Variants in GLB1 observed in about 807,000 individuals in gnomAD.
The protein encoded by GLB1 is beta-galactosidase.
GLB1 carries 56 observed loss-of-function variants against 74.0 expected under a neutral mutation model. The observed-to-expected ratio is 0.76, with a 90% confidence interval of 0.61 to 0.94. GLB1 has a LOEUF of 0.94. Ranked by LOEUF, GLB1 falls within the 40% of genes least tolerant of loss-of-function variation. The probability of loss-of-function intolerance (pLI) is 0.00; values close to 1 mark genes in which losing one functional copy is unlikely to be tolerated. For missense variants in GLB1, 787 were observed against 845.5 expected (o/e 0.93, Z 0.86); for synonymous variants, 323 against 323.6 (o/e 1.00, Z 0.02).
At chr3:32,988,113 G>C in the GLB1 span, among the ~76,000 whole-genome samples, 17 of 148,288 alleles carry the variant, frequency 1.1e-4, no homozygotes, top group South Asian at 6.4e-4. Context: ...TTGAACCCAG[G>C]AGGCAGAGGT....
intron 1 of GLB1, among the ~76,000 whole-genome samples, chr3:33,084,150 C>T (rs984590901): frequency 1.8e-4 from 28 of 152,276 alleles, no homozygotes; most frequent in South Asian, 6.2e-4. Context: ...ATTCCTGACA[C>T]GAGCTGTTCA....
intron 10 of GLB1, among the ~76,000 whole-genome samples, chr3:33,041,556 G>A (rs1185767690): frequency 1.3e-5 from 2 of 151,842 alleles, no homozygotes; most frequent in Non-Finnish European, 2.9e-5. Context: ...CAGCTGCTTG[G>A]GAGGCTGAGG....
chr3:33,063,116 G>A lies in GLB1; in HGVS notation c.552+2347C>T, dbSNP rs114599044. Reference sequence around the variant, plus strand: ...CACGTATAGGAACTGTGCGTCAGAAGGTAAGTAGGACAACCATGAAAGATG... The same window carrying A: ...CACGTATAGGAACTGTGCGTCAGAAAGTAAGTAGGACAACCATGAAAGATG... On this transcript the variant is annotated intron_variant, in intron 5 of 15. Coordinates refer to ENST00000307363, the MANE Select transcript of GLB1 (RefSeq NM_000404.4). Among the ~76,000 whole-genome samples the A allele has an allele frequency of 2.3e-3, 355 of 152,186 alleles. 4 individuals are homozygous for A. The highest frequency in any genetic ancestry group is 8.4e-3 in the African/African-American group (350 of 41,530).
intron 5 of GLB1, among the ~76,000 whole-genome samples, chr3:33,061,364 A>T (rs1699435430): frequency 6.6e-6 from 1 of 152,190 alleles, no homozygotes; most frequent in Non-Finnish European, 1.5e-5. Flanking sequence ...CCATGAGCAG[A>T]GATTGCGCCA....
chr3:33,092,647 A>G (rs1485206910), intron 1 of GLB1: 1 of 1,375,842 alleles, frequency 7.3e-7, no homozygotes, highest in Non-Finnish European at 9.4e-7. Context: ...CCAAGGAAAT[A>G]GTTAAACCAG....
In GLB1 at chr3:33,017,658, C is replaced by T. The variant is rs542464633; in HGVS notation, c.1347+790G>A. Among the ~76,000 whole-genome samples the T allele has an allele frequency of 5.3e-5, 8 of 152,302 alleles. No homozygotes were observed. In the South Asian group the frequency reaches 1.4e-3, roughly 28 times the overall value. ...ATGCATCTGCTTTTGTTATGAAACA[C>T]GGTTCTTTGTGCATTTCAGTAATAG... On this transcript the variant is annotated intron_variant, in intron 13 of 15. Transcript: ENST00000307363.
chr3:32,962,148 C>T, the GLB1 span, among the ~76,000 whole-genome samples: 5 of 151,262 alleles, frequency 3.3e-5, no homozygotes, highest in African/African-American at 1.2e-4. Flanking sequence ...GAGCTGAGGT[C>T]ACGTCATTGC....
rs147540534 is a variant in GLB1 at position 33,052,569 on chromosome 3, T to C, written c.793-565A>G. 889 of 163,302 alleles carry C rather than the reference T, an allele frequency of 5.4e-3. 7 individuals are homozygous for C. The highest frequency in any genetic ancestry group is 0.02 in the African/African-American group (847 of 41,680). The allele number at this position is 163,302 out of a possible 1,614,324, so 10.1% of individuals were successfully genotyped here. ...TCGCTTGAACCCGGGAGGTGGAGAA[T>C]GCAGTGAGCTGAGATCGCGCCACTG... is the stretch of plus-strand genomic sequence containing the variant. On this transcript the variant is annotated intron_variant, in intron 7 of 15. Coordinates refer to ENST00000307363, the MANE Select transcript of GLB1 (RefSeq NM_000404.4).
chr3:33,010,369 T>C (rs914902618), intron 15 of GLB1, among the ~76,000 whole-genome samples: 7 of 152,236 alleles, frequency 4.6e-5, no homozygotes, highest in Non-Finnish European at 8.8e-5. Flanking sequence ...CCACTAATTT[T>C]AGTTTATAAT....
Position 33,068,921 on chromosome 3 carries a change from A to T in GLB1, c.295T>A (p.Ser99Thr), listed in dbSNP as rs968429427. 9.3e-6 allele frequency: 15 copies of T among 1,614,178 alleles called. 1 individual carries two copies. In the Admixed American group the frequency reaches 1.5e-4, roughly 16 times the overall value. The change falls in exon 3 of 16, where the codon TCT becomes ACT. Residue 99 changes from serine to threonine, a missense_variant. By Grantham distance (58) the Ser-to-Thr change is moderately conservative. Coordinates refer to ENST00000307363, the MANE Select transcript of GLB1 (RefSeq NM_000404.4). ...AAATATTCCACATCATGGTCCTCAGAAAACTGGTACTGTCCTGGCCAGGGC... is the reference window on the plus strand; with the variant it reads ...AAATATTCCACATCATGGTCCTCAGTAAACTGGTACTGTCCTGGCCAGGGC... The part of the protein sequence containing the change: ...HEPWPGQYQF[S>T]EDHDVEYFLR...
rs149006565 is a variant in GLB1 at position 33,064,592 on chromosome 3, C to G, written c.552+871G>C. ...AGGAGTTTGAGACCAGCCTGGCCAA[C>G]ATGGCGAAACCCCGTCTCTACTAAA... is the stretch of plus-strand genomic sequence containing the variant. On this transcript the variant is annotated intron_variant, in intron 5 of 15. Transcript: ENST00000307363. 8.4e-3 allele frequency among the ~76,000 whole-genome samples: 1,278 copies of G among 151,730 alleles called. 24 individuals are homozygous for G. The highest frequency in any genetic ancestry group is 0.028 in the African/African-American group (1,178 of 41,364).
intron 10 of GLB1, among the ~76,000 whole-genome samples, chr3:33,033,003 A>G (rs1698115820): frequency 6.6e-6 from 1 of 152,188 alleles, no homozygotes; most frequent in South Asian, 2.1e-4. Flanking sequence ...TGGGGACCCA[A>G]GTAAAAATCA....
intron 1 of GLB1, among the ~76,000 whole-genome samples, chr3:33,080,282 G>T (rs970778703): frequency 6.6e-5 from 10 of 152,090 alleles, no homozygotes; most frequent in African/African-American, 1.9e-4. Context: ...GTTTCACCAC[G>T]TTGGCCAGGC....
chr3:32,989,196 G>A, the GLB1 span, among the ~76,000 whole-genome samples: 1 of 152,120 alleles, frequency 6.6e-6, no homozygotes, highest in Non-Finnish European at 1.5e-5. Context: ...GCATCAGAAG[G>A]CCTCAGGTTG....
At chr3:33,059,753 T>A (rs755974378) in intron 5 of GLB1, among the ~76,000 whole-genome samples, 1 of 152,236 alleles carries the variant, frequency 6.6e-6, no homozygotes, top group Non-Finnish European at 1.5e-5. Flanking sequence ...GTTCACACCA[T>A]AGTGATTCAT....
In GLB1 at chr3:33,058,233, A is replaced by G; in HGVS notation, c.589T>C (p.Phe197Leu). 6.2e-7 allele frequency: 1 copy of G among 1,614,172 alleles called. No homozygotes were observed. The highest frequency in any genetic ancestry group is 8.5e-7 in the Non-Finnish European group (1 of 1,180,028). ...NEYGSYFACD[F>L]DYLRFLQKRF... is the part of the protein sequence containing the mutation. The stretch of plus-strand genomic sequence containing the variant: ...TTCTGCAGGAAGCGCAGGTAGTCAA[A>G]ATCACAGGCAAAGTAGCTGCCATAT... The change falls in exon 6 of 16, where the codon TTT (phenylalanine) becomes CTT (leucine). Residue 197 changes from phenylalanine to leucine, a missense_variant. Physicochemically the swap from Phe to Leu is conservative, Grantham distance 22. Coordinates refer to ENST00000307363, the MANE Select transcript of GLB1 (RefSeq NM_000404.4).
intron 7 of GLB1, 151 bp downstream of exon 7, chr3:33,053,340 C>G: frequency 9.0e-7 from 1 of 1,107,734 alleles, no homozygotes; most frequent in South Asian, 1.3e-5. Flanking sequence ...TTTCTGCTGT[C>G]ATTCACATGT....
chr3:32,971,383 C>T, the GLB1 span, among the ~76,000 whole-genome samples: 1 of 152,214 alleles, frequency 6.6e-6, no homozygotes, highest in Non-Finnish European at 1.5e-5. Flanking sequence ...ATTCTATGAG[C>T]ATTTTAATCA....
At chr3:32,999,262 A>G (rs1696445592) in intron 15 of GLB1, among the ~76,000 whole-genome samples, 1 of 152,202 alleles carries the variant, frequency 6.6e-6, no homozygotes, top group Non-Finnish European at 1.5e-5. Flanking sequence ...TGACAGCTTT[A>G]GCAGGTTTTT....
Sources: gnomAD v4.1 joint callset for allele counts (sites outside exome capture counted in the v4.1 genomes callset) on GRCh38, gnomAD v4.1.1 for gene constraint, MANE v1.5 for transcripts, NCBI Gene and HGNC (gene_info 2026-07-23, HGNC 2026-07-21) for gene names.